Variants in IGSF10 observed in about 807,000 individuals in gnomAD.
IGSF10 encodes the protein calvaria mechanical force protein 608.
Under a neutral mutation model 128.2 loss-of-function variants are expected in IGSF10, and 126 were observed. That is an observed-to-expected ratio of 0.98 (90% CI 0.85 to 1.14). The LOEUF is 1.14. Ranked by LOEUF, IGSF10 falls within the 50% of genes most tolerant of loss-of-function variation. The pLI is 0.00. For missense variants in IGSF10, 3,295 were observed against 3,149.8 expected (o/e 1.05, Z -1.10); for synonymous variants, 1,185 against 1,146.2 (o/e 1.03, Z -0.68).
At chr3:151,580,173 G>A in the IGSF10 span, among the ~76,000 whole-genome samples, 1 of 152,016 alleles carries the variant, frequency 6.6e-6, no homozygotes, top group Non-Finnish European at 1.5e-5. Flanking sequence ...GCAAGATCCA[G>A]TCTCTACAAA....
At chr3:151,530,696 C>T in the IGSF10 span, among the ~76,000 whole-genome samples, 1 of 152,176 alleles carries the variant, frequency 6.6e-6, no homozygotes, top group Admixed American at 6.5e-5. Context: ...GCCTGCCTTA[C>T]AAGAGCTCCT....
At chr3:151,535,257 AT>A in the IGSF10 span, among the ~76,000 whole-genome samples, 1 of 152,222 alleles carries the variant, frequency 6.6e-6, no homozygotes, top group East Asian at 1.9e-4. Context: ...TTTGGCTGTA[AT>A]AAAAAATCCC....
the IGSF10 span, among the ~76,000 whole-genome samples, chr3:151,559,388 G>A: frequency 3.7e-4 from 57 of 152,208 alleles, no homozygotes; most frequent in Non-Finnish European, 7.2e-4. Context: ...GAATAAAGAT[G>A]CTCTAAGAAT....
the IGSF10 span, among the ~76,000 whole-genome samples, chr3:151,516,187 C>T: frequency 2.0e-5 from 3 of 151,990 alleles, no homozygotes; most frequent in Non-Finnish European, 4.4e-5. Flanking sequence ...AAGGTTCCTC[C>T]ATATTCTTAG....
the IGSF10 span, among the ~76,000 whole-genome samples, chr3:151,517,129 G>A: frequency 6.6e-6 from 1 of 151,950 alleles, no homozygotes; most frequent in Admixed American, 6.6e-5. Flanking sequence ...TATTATAAAG[G>A]CTATGGTTAC....
At chr3:151,455,163 T>A (rs1354398240) in intron 4 of IGSF10, among the ~76,000 whole-genome samples, 1 of 146,168 alleles carries the variant, frequency 6.8e-6, no homozygotes, top group African/African-American at 2.5e-5. Flanking sequence ...CAGGCTGGAG[T>A]GCAATGGAGT....
chr3:151,610,512 T>C, the IGSF10 span, among the ~76,000 whole-genome samples: 1 of 152,210 alleles, frequency 6.6e-6, no homozygotes, highest in Non-Finnish European at 1.5e-5. Context: ...AGATTCTTTT[T>C]TAATGATCAT....
chr3:151,510,340 C>T, the IGSF10 span, among the ~76,000 whole-genome samples: 1 of 152,212 alleles, frequency 6.6e-6, no homozygotes. Flanking sequence ...TCTGCAGCCA[C>T]TGCTGCTGAT....
At chr3:151,580,995 C>T in the IGSF10 span, among the ~76,000 whole-genome samples, 1 of 150,638 alleles carries the variant, frequency 6.6e-6, no homozygotes, top group Non-Finnish European at 1.5e-5. Context: ...AAGAAAAGAG[C>T]GGGGGAGGGA....
At chr3:151,584,594 G>C in the IGSF10 span, among the ~76,000 whole-genome samples, 6 of 152,186 alleles carry the variant, frequency 3.9e-5, no homozygotes, top group African/African-American at 1.2e-4. Context: ...TATCAAAGGA[G>C]TGCTTTAAGA....
At chr3:151,498,026 A>G in the IGSF10 span, among the ~76,000 whole-genome samples, 1 of 152,154 alleles carries the variant, frequency 6.6e-6, no homozygotes, top group African/African-American at 2.4e-5. Flanking sequence ...TTGATTTTGT[A>G]TCCTGAGACT....
At chr3:151,520,722 T>C in the IGSF10 span, among the ~76,000 whole-genome samples, 2 of 151,816 alleles carry the variant, frequency 1.3e-5, no homozygotes, top group African/African-American at 4.8e-5. Context: ...CAAGAGATCT[T>C]GAAAGGATCA....
chr3:151,568,987 G>C, the IGSF10 span, among the ~76,000 whole-genome samples: 1 of 152,234 alleles, frequency 6.6e-6, no homozygotes, highest in Admixed American at 6.5e-5. Context: ...TAACGGAGGA[G>C]TATGAAGTCT....
chr3:151,607,939 AAATG>A, the IGSF10 span, among the ~76,000 whole-genome samples: 30 of 134,886 alleles, frequency 2.2e-4, no homozygotes, highest in South Asian at 3.1e-3. Context: ...AAAAAAAAAG[AAATG>A]GGAACATGCT....
chr3:151,440,546 T>A (rs1434588640), intron 7 of IGSF10: 4 of 456,504 alleles, frequency 8.8e-6, no homozygotes, highest in African/African-American at 2.0e-5. Flanking sequence ...AGCTGAAAAA[T>A]TGGTATTTAG....
At chr3:151,526,492 C>T in the IGSF10 span, among the ~76,000 whole-genome samples, 4 of 151,948 alleles carry the variant, frequency 2.6e-5, no homozygotes, top group Non-Finnish European at 5.9e-5. Context: ...ACTGGGAAGT[C>T]TCTTTGAGTT....
the IGSF10 span, among the ~76,000 whole-genome samples, chr3:151,607,022 G>A: frequency 8.6e-4 from 131 of 152,252 alleles, no homozygotes; most frequent in African/African-American, 3.0e-3. Flanking sequence ...TGGACCTCAG[G>A]CACACTACTT....
the IGSF10 span, among the ~76,000 whole-genome samples, chr3:151,498,620 T>C: frequency 2.0e-5 from 3 of 152,226 alleles, no homozygotes; most frequent in East Asian, 1.9e-4. Context: ...TTATACAATG[T>C]ATAGCGAATG....
the IGSF10 span, among the ~76,000 whole-genome samples, chr3:151,594,331 CTTTTTT>C: frequency 1.5e-4 from 18 of 121,470 alleles, no homozygotes; most frequent in African/African-American, 4.6e-4. Flanking sequence ...ATAAAAACTG[CTTTTTT>C]TTTTTTTTTT....
Sources: gnomAD v4.1 joint callset for allele counts (sites outside exome capture counted in the v4.1 genomes callset) on GRCh38, gnomAD v4.1.1 for gene constraint, MANE v1.5 for transcripts, NCBI Gene and HGNC (gene_info 2026-07-23, HGNC 2026-07-21) for gene names.